Variants in SLC22A25 observed in about 807,000 individuals in gnomAD.
SLC22A25 encodes the protein solute carrier family 22 member 25.
Under a neutral mutation model 45.9 loss-of-function variants are expected in SLC22A25, and 44 were observed. The ratio of observed to expected loss-of-function variants is 0.96; its 90% CI spans 0.75 to 1.23. The LOEUF (loss-of-function observed/expected upper bound fraction) is 1.23, where lower values mean the gene tolerates loss of function less well. Ranked by LOEUF, SLC22A25 falls within the 50% of genes most tolerant of loss-of-function variation. The pLI is 0.00. For synonymous variants in SLC22A25, 283 were observed against 238.6 expected (o/e 1.19, Z -1.72); for missense variants, 800 against 666.4 (o/e 1.20, Z -2.21).
At chr11:63,169,699 T>C (rs1273237674) in intron 9 of SLC22A25, among the ~76,000 whole-genome samples, 2 of 152,142 alleles carry the variant, frequency 1.3e-5, no homozygotes, top group Admixed American at 1.3e-4. Flanking sequence ...AGGCTTAGAT[T>C]CCTACGCAAT....
Position 63,162,744 on chromosome 11 carries a change from A to G in SLC22A25, c.*1080T>C, listed in dbSNP as rs924852696. Among the ~76,000 whole-genome samples, 1 of 152,198 alleles carries G rather than the reference A, an allele frequency of 6.6e-6. No individual in the cohort carries two copies. Among genetic ancestry groups the G allele is most frequent in the Non-Finnish European group, 1.5e-5 (1 of 68,030 alleles). On this transcript the variant is annotated 3_prime_UTR_variant, in exon 12 of 12. Transcript: ENST00000306494. The stretch of plus-strand genomic sequence containing the variant: ...TCAAACTTCTTATGATTATTTGTAG[A>G]TATTTTATATTTAACCATTTAGAAT...
At chr11:63,236,687 C>G (rs564800806) in intron 3 of SLC22A25, among the ~76,000 whole-genome samples, 1 of 152,272 alleles carries the variant, frequency 6.6e-6, no homozygotes, top group South Asian at 2.1e-4. Flanking sequence ...CTGGCACTCC[C>G]CAGTGAGATG....
intron 1 of SLC22A25, among the ~76,000 whole-genome samples, chr11:63,241,061 G>A (rs2090240228): frequency 6.6e-6 from 1 of 152,198 alleles, no homozygotes; most frequent in Non-Finnish European, 1.5e-5. Flanking sequence ...ATGTTTAACT[G>A]CAGGCACATG....
intron 7 of SLC22A25, among the ~76,000 whole-genome samples, chr11:63,188,531 G>C (rs993447641): frequency 1.8e-4 from 27 of 152,178 alleles, no homozygotes; most frequent in Non-Finnish European, 3.4e-4. Flanking sequence ...AGAGTTCTTT[G>C]TGTCTCTATC....
At chr11:63,216,594 G>A (rs949126012) in intron 7 of SLC22A25, among the ~76,000 whole-genome samples, 1 of 152,136 alleles carries the variant, frequency 6.6e-6, no homozygotes, top group African/African-American at 2.4e-5. Context: ...GGAGCTGAAG[G>A]CCATTATACT....
intron 1 of SLC22A25, among the ~76,000 whole-genome samples, chr11:63,241,081 G>C (rs995329668): frequency 6.6e-6 from 1 of 152,202 alleles, no homozygotes; most frequent in Non-Finnish European, 1.5e-5. Flanking sequence ...GAAAATATTA[G>C]TATTTGTCTT....
chr11:63,232,231 C>T (rs1469320602), intron 3 of SLC22A25, among the ~76,000 whole-genome samples: 1 of 152,050 alleles, frequency 6.6e-6, no homozygotes, highest in Admixed American at 6.6e-5. Context: ...GGCAGTATGG[C>T]CATTTTCACG....
chr11:63,192,354 A>C (rs1318013370), intron 7 of SLC22A25, among the ~76,000 whole-genome samples: 1 of 152,208 alleles, frequency 6.6e-6, no homozygotes, highest in Non-Finnish European at 1.5e-5. Flanking sequence ...AATATGGAAA[A>C]GAAAGTCCAT....
At chr11:63,185,813 G>C (rs2088517813) in intron 7 of SLC22A25, among the ~76,000 whole-genome samples, 1 of 146,602 alleles carries the variant, frequency 6.8e-6, no homozygotes, top group South Asian at 2.2e-4. Flanking sequence ...TTGTTCTTGC[G>C]ATAGTTTACT....
intron 9 of SLC22A25, chr11:63,167,897 G>C (rs1478550855): frequency 1.1e-5 from 4 of 351,038 alleles, no homozygotes; most frequent in Non-Finnish European, 1.7e-5. Flanking sequence ...GGGGTCAACA[G>C]ACACTTCATA....
chr11:63,210,043 T>C (rs1316021608), intron 7 of SLC22A25, among the ~76,000 whole-genome samples: 1 of 152,186 alleles, frequency 6.6e-6, no homozygotes, highest in African/African-American at 2.4e-5. Context: ...ATATCAGAAG[T>C]GTGCCAAAAG....
chr11:63,177,717 G>T (rs2088143910), intron 9 of SLC22A25, among the ~76,000 whole-genome samples: 1 of 150,602 alleles, frequency 6.6e-6, no homozygotes, highest in African/African-American at 2.4e-5. Context: ...CATCCATGTT[G>T]TTGTAAATGA....
intron 5 of SLC22A25, among the ~76,000 whole-genome samples, chr11:63,225,136 A>G (rs1165376424): frequency 6.6e-6 from 1 of 152,084 alleles, no homozygotes; most frequent in Non-Finnish European, 1.5e-5. Context: ...AAATAAAATA[A>G]AATAAAAAAG....
At chr11:63,205,343 C>T (rs1406798028) in intron 7 of SLC22A25, among the ~76,000 whole-genome samples, 1 of 151,730 alleles carries the variant, frequency 6.6e-6, no homozygotes, top group Admixed American at 6.6e-5. Flanking sequence ...ACCATGAAAA[C>T]CCTTCAAAAA....
intron 3 of SLC22A25, among the ~76,000 whole-genome samples, chr11:63,230,905 G>T (rs1189769599): frequency 6.6e-6 from 1 of 152,068 alleles, no homozygotes; most frequent in Non-Finnish European, 1.5e-5. Context: ...GCGGTGTTTG[G>T]TTTTTTGTCC....
chr11:63,177,469 ATAAC>A, intron 9 of SLC22A25, among the ~76,000 whole-genome samples: 1 of 152,104 alleles, frequency 6.6e-6, no homozygotes, highest in Non-Finnish European at 1.5e-5. Context: ...ATAGTCAACT[ATAAC>A]TATTGTTTTA....
At chr11:63,168,449 T>G (rs1305044621) in intron 9 of SLC22A25, among the ~76,000 whole-genome samples, 1 of 152,162 alleles carries the variant, frequency 6.6e-6, no homozygotes, top group Non-Finnish European at 1.5e-5. Context: ...GCTAACTAGT[T>G]AACCAGTTTA....
At position 63,159,592 on chromosome 11, in the gene SLC22A25, G is replaced by C. The variant is rs536173804; in HGVS notation, c.*4232C>G. On this transcript the variant is annotated 3_prime_UTR_variant, in exon 12 of 12. Transcript: ENST00000306494. ...TTTCTTTATAACTTACCCAGTCTCA[G>C]GTATGTCTTTATCAGCAGCATGAGA... is the stretch of plus-strand genomic sequence containing the variant. 6.6e-6 allele frequency among the ~76,000 whole-genome samples: 1 copy of C among 152,102 alleles called. No individual in the cohort carries two copies. Among genetic ancestry groups the C allele is most frequent in the South Asian group, 2.1e-4 (1 of 4,830 alleles).
chr11:63,221,389 C>T (rs931723738), intron 5 of SLC22A25, among the ~76,000 whole-genome samples: 2 of 152,226 alleles, frequency 1.3e-5, no homozygotes, highest in Admixed American at 1.3e-4. Flanking sequence ...TGATGTTGAG[C>T]ACATTTTCAT....
Sources: gnomAD v4.1 joint callset for allele counts (sites outside exome capture counted in the v4.1 genomes callset) on GRCh38, gnomAD v4.1.1 for gene constraint, MANE v1.5 for transcripts, NCBI Gene and HGNC (gene_info 2026-07-23, HGNC 2026-07-21) for gene names.